The following ABHD17B variants were observed in gnomAD, a reference collection of about 807,000 sequenced individuals.
ABHD17B encodes the protein abhydrolase domain containing 17B, depalmitoylase, also known as alpha/beta hydrolase domain-containing protein 17B.
Under a neutral mutation model 26.2 loss-of-function variants are expected in ABHD17B, and 9 were observed. The ratio of observed to expected loss-of-function variants is 0.34; its 90% confidence interval spans 0.21 to 0.60. The LOEUF (loss-of-function observed/expected upper bound fraction) is 0.60, where lower values mean the gene tolerates loss of function less well. Among genes scored for constraint, ABHD17B ranks in the 20% least tolerant of loss-of-function variants. The pLI, the probability that ABHD17B is intolerant of heterozygous loss-of-function variation, is 0.80. For missense variants in ABHD17B, 224 were observed against 352.1 expected, an observed-to-expected ratio of 0.64 and a Z score of 2.91; for synonymous variants, 127 against 122.3, an observed-to-expected ratio of 1.04 and a Z score of -0.25.
At chr9:71,893,301 G>C in intron 1 of ABHD17B, among the ~76,000 whole-genome samples, 1 of 152,142 alleles carries the variant, frequency 6.6e-6, no homozygotes, top group African/African-American at 2.4e-5. Context: ...ACATCCCACA[G>C]GTTGAGGGCT....
chr9:71,873,584 G>A (rs959973156), intron 2 of ABHD17B, among the ~76,000 whole-genome samples: 1 of 152,122 alleles, frequency 6.6e-6, no homozygotes, highest in Non-Finnish European at 1.5e-5. Context: ...TTTTAGTAGA[G>A]ACGGGGTTTC....
intron 1 of ABHD17B, among the ~76,000 whole-genome samples, chr9:71,880,356 T>TA (rs535917113): frequency 2.0e-5 from 3 of 151,116 alleles, no homozygotes; most frequent in African/African-American, 4.9e-5. Flanking sequence ...TTAAAAACCT[T>TA]AAAAAAAAGA....
At chr9:71,864,139 G>C (rs1273485086), downstream of ABHD17B, among the ~76,000 whole-genome samples, 6 of 150,268 alleles carry the variant, frequency 4.0e-5, no homozygotes, top group Non-Finnish European at 8.9e-5. Context: ...TTGTTTCTAG[G>C]ATAAAGACTA....
At chr9:71,862,700 TTAAG>T (rs761712577), downstream of ABHD17B, 38 of 534,388 alleles carry the variant, frequency 7.1e-5, 1 homozygote, top group South Asian at 7.2e-4. Flanking sequence ...AAAATCACTC[TTAAG>T]ATTTTGTCAT....
intron 1 of ABHD17B, among the ~76,000 whole-genome samples, chr9:71,880,765 G>C (rs1267638378): frequency 6.6e-6 from 1 of 151,710 alleles, no homozygotes; most frequent in African/African-American, 2.4e-5. Context: ...CCTTTATGCA[G>C]AAAAATTTTA....
intron 1 of ABHD17B, among the ~76,000 whole-genome samples, chr9:71,884,583 T>C (rs904551448): frequency 6.7e-6 from 1 of 149,542 alleles, no homozygotes; most frequent in African/African-American, 2.5e-5. Flanking sequence ...TAAGGGTACA[T>C]ATGTCAGAGT....
chr9:71,875,853 T>A (rs951247039), intron 1 of ABHD17B, among the ~76,000 whole-genome samples: 1 of 152,330 alleles, frequency 6.6e-6, no homozygotes, highest in African/African-American at 2.4e-5. Flanking sequence ...AAGTGCTCTA[T>A]GTGTGTTACT....
intron 1 of ABHD17B, among the ~76,000 whole-genome samples, chr9:71,879,271 C>T (rs1826370450): frequency 6.6e-6 from 1 of 152,078 alleles, no homozygotes; most frequent in Admixed American, 6.5e-5. Context: ...TACAAGTGAG[C>T]AATGGGAGCA....
chr9:71,877,915 C>A (rs1054837553), intron 1 of ABHD17B, among the ~76,000 whole-genome samples: 1 of 152,124 alleles, frequency 6.6e-6, no homozygotes, highest in Non-Finnish European at 1.5e-5. Context: ...TCTTCCACTG[C>A]CCAAAAGCCA....
intron 1 of ABHD17B, among the ~76,000 whole-genome samples, chr9:71,898,702 A>G (rs530823591): frequency 1.3e-4 from 20 of 151,834 alleles, no homozygotes; most frequent in African/African-American, 3.9e-4. Flanking sequence ...TGAGAAATTT[A>G]AAAACAAATC....
At chr9:71,873,955 G>A (rs186648628) in intron 2 of ABHD17B, among the ~76,000 whole-genome samples, 46 of 152,274 alleles carry the variant, frequency 3.0e-4, no homozygotes, top group Admixed American at 3.0e-3. Flanking sequence ...TCTTTAAGTT[G>A]TACTTCCCAA....
At chr9:71,864,377 G>A (rs530066810), downstream of ABHD17B, among the ~76,000 whole-genome samples, 2 of 151,498 alleles carry the variant, frequency 1.3e-5, no homozygotes, top group Admixed American at 6.6e-5. Flanking sequence ...GTGCCACCAC[G>A]CCCAGCTAAC....
Position 71,865,356 on chromosome 9 carries a change from C to T in ABHD17B, c.*1431G>A, listed in dbSNP as rs1825927380. Reference sequence around the variant, plus strand: ...ATTCATTCATTTACAAATTAGACTACATACCATTAATTTTATTTTTATTTT... The same window carrying T: ...ATTCATTCATTTACAAATTAGACTATATACCATTAATTTTATTTTTATTTT... On this transcript the variant is annotated 3_prime_UTR_variant, in exon 4 of 4. Coordinates refer to ENST00000333421, the MANE Select transcript of ABHD17B (RefSeq NM_001025780.3). 2.4e-5 allele frequency: 24 copies of T among 982,432 alleles called. No individual in the cohort carries two copies. The highest frequency in any genetic ancestry group is 2.8e-5 in the Non-Finnish European group (23 of 826,892). The allele number at this position is 982,432 out of a possible 1,614,324, so 60.9% of individuals were successfully genotyped here.
intron 1 of ABHD17B, among the ~76,000 whole-genome samples, chr9:71,908,583 C>T (rs1160524887): frequency 2.0e-5 from 3 of 152,026 alleles, no homozygotes; most frequent in Non-Finnish European, 2.9e-5. Context: ...AATAAACCAA[C>T]CAATAAAATA....
chr9:71,875,229 TC>T (rs1826231916), intron 1 of ABHD17B, 146 bp from the exon 2 acceptor site: 4 of 521,110 alleles, frequency 7.7e-6, no homozygotes, highest in African/African-American at 3.5e-5. Context: ...ATTTTTGGCT[TC>T]TTTTTTTTTT....
chr9:71,866,716 G>C lies in ABHD17B; in HGVS notation c.*71C>G, dbSNP rs538706930. On this transcript the variant is annotated 3_prime_UTR_variant, in exon 4 of 4. Coordinates refer to ENST00000333421, the MANE Select transcript of ABHD17B (RefSeq NM_001025780.3). Reference sequence around the variant, plus strand: ...CATGATTTGCAAACAAAACCTTCAGGTTTTATGTTATTTACCAAAGAGTGC... The same window carrying C: ...CATGATTTGCAAACAAAACCTTCAGCTTTTATGTTATTTACCAAAGAGTGC... 8.5e-5 allele frequency: 134 copies of C among 1,575,550 alleles called. 1 individual carries two copies. Among genetic ancestry groups the C allele is most frequent in the South Asian group, 4.1e-4 (35 of 86,294 alleles).
chr9:71,879,522 C>T (rs1445472988), intron 1 of ABHD17B, among the ~76,000 whole-genome samples: 3 of 152,070 alleles, frequency 2.0e-5, no homozygotes, highest in African/African-American at 7.2e-5. Flanking sequence ...GTGCAGGGCA[C>T]ATCTAAAGGA....
In ABHD17B at chr9:71,866,891, C is replaced by T; in HGVS notation, c.763G>A (p.Glu255Lys). The T allele has an allele frequency of 6.2e-7, 1 of 1,614,146 alleles. No individual in the cohort carries two copies. Among genetic ancestry groups the T allele is most frequent in the Non-Finnish European group, 8.5e-7 (1 of 1,180,034 alleles). The change falls in exon 4 of 4, where the codon GAG becomes AAG. Residue 255 changes from glutamate (E) to lysine (K), a missense_variant. Physicochemically the swap from Glu to Lys is moderately conservative, Grantham distance 56. Transcript: ENST00000333421. The stretch of plus-strand genomic sequence containing the variant: ...CCTGCTCCTTCAACCCAGAGAGGCT[C>T]CACAGGTCTTTGGCAACGTTCAAAC... The part of the protein sequence containing the change: ...ALFERCQRPV[E>K]PLWVEGAGHN...
At chr9:71,890,810 A>AG (rs1477775714) in intron 1 of ABHD17B, among the ~76,000 whole-genome samples, 2 of 152,194 alleles carry the variant, frequency 1.3e-5, no homozygotes, top group South Asian at 4.1e-4. Context: ...CCAATTTATT[A>AG]GAATTTGTTC....
Sources: gnomAD v4.1 joint callset for allele counts (sites outside exome capture counted in the v4.1 genomes callset) on GRCh38, gnomAD v4.1.1 for gene constraint, MANE v1.5 for transcripts, NCBI Gene and HGNC (gene_info 2026-07-23, HGNC 2026-07-21) for gene names.